Variants in ZNF385C observed in about 807,000 individuals in gnomAD.
The protein encoded by ZNF385C is CTD-2132N18.2.
Under a neutral mutation model 35.4 loss-of-function variants are expected in ZNF385C, and 28 were observed. That is an observed-to-expected ratio of 0.79 (90% confidence interval 0.59 to 1.08). The LOEUF is 1.08. Among genes scored for constraint, ZNF385C ranks in the 50% least tolerant of loss-of-function variants. ZNF385C has a pLI of 0.00. For missense variants in ZNF385C, 605 were observed against 595.6 expected, an observed-to-expected ratio of 1.02 and a Z score of -0.16; for synonymous variants, 248 against 248.2, an observed-to-expected ratio of 1.00 and a Z score of 0.01.
chr17:42,070,072 C>T (rs1431804647), intron 1 of ZNF385C, among the ~76,000 whole-genome samples: 6 of 149,588 alleles, frequency 4.0e-5, no homozygotes, highest in Non-Finnish European at 8.9e-5. Context: ...TAGCAGGGCG[C>T]GGTGGCTCAC....
At chr17:42,027,548 C>A (rs370131301) in intron 8 of ZNF385C, 70 bp downstream of exon 8, 23 of 730,148 alleles carry the variant, frequency 3.2e-5, no homozygotes, top group Non-Finnish European at 4.7e-5. Flanking sequence ...GCAGCCCCCC[C>A]ATCTGGCCCT....
Position 42,027,275 on chromosome 17 carries a change from C to A in ZNF385C, c.1276-142G>T, listed in dbSNP as rs1170864524. The A allele has an allele frequency of 4.0e-6, 3 of 753,994 alleles. No individual in the cohort carries two copies. In the East Asian group the frequency reaches 7.7e-5, roughly 19 times the overall value. 46.7% of individuals were successfully genotyped at this position (753,994 alleles called of 1,614,324 possible). A position where few individuals can be genotyped will look rare whatever the true frequency, so the allele number is the denominator to read the frequency against. ...CCTAAATCCTCCTCCCTTCCCACCCCCAAACATTCATTCCGAAGGGCTTTC... is the reference window on the plus strand; with the variant it reads ...CCTAAATCCTCCTCCCTTCCCACCCACAAACATTCATTCCGAAGGGCTTTC... On this transcript the variant is annotated intron_variant, in intron 8 of 8. Transcript: ENST00000692273.
At position 42,050,868 on chromosome 17, in the gene ZNF385C, A is replaced by C. The variant is rs568337237; in HGVS notation, c.250+11939T>G. ...GTGCCGGGGTTCATTCGGTCCGCGC[A>C]TGTATCCGGGGTTCCTCGAGGGGCT... On this transcript the variant is annotated intron_variant, in intron 2 of 8. Coordinates refer to ENST00000692273, the MANE Select transcript of ZNF385C (RefSeq NM_001392013.1). This position sits in a 1 kb window ranked among gnomAD's most constrained non-coding sequence, Gnocchi z 5.6. 6.6e-6 allele frequency among the ~76,000 whole-genome samples: 1 copy of C among 151,884 alleles called. No homozygotes were observed. The highest frequency in any genetic ancestry group is 1.5e-5 in the Non-Finnish European group (1 of 67,928).
rs996482244 is a variant in ZNF385C at position 42,095,324 on chromosome 17, C to T, written c.-3+3086G>A. 6.6e-6 allele frequency among the ~76,000 whole-genome samples: 1 copy of T among 152,226 alleles called. No homozygotes were observed. The highest frequency in any genetic ancestry group is 1.5e-5 in the Non-Finnish European group (1 of 68,046). ...GGGATGACCCCCGCCGCCTGGCCAG[C>T]TGACCCCACAGTCTCCCCTGTCCCA... On this transcript the variant is annotated intron_variant, in intron 1 of 8. Coordinates refer to ENST00000692273, the MANE Select transcript of ZNF385C (RefSeq NM_001392013.1). The surrounding 1 kb of genome is among the most constrained non-coding windows in gnomAD (Gnocchi z 4.4).
Position 42,026,667 on chromosome 17 carries a change from G to T in ZNF385C, c.*230C>A. 1 of 589,320 alleles carries T rather than the reference G, an allele frequency of 1.7e-6. No individual in the cohort carries two copies. The highest frequency in any genetic ancestry group is 3.0e-6 in the Non-Finnish European group (1 of 330,572). The allele number at this position is 589,320 out of a possible 1,614,324, so 36.5% of individuals were successfully genotyped here. ...TGCATAGATCTTTGGGGTCTGTCAGGGTGGGAAATGCAGGCAAGCCTAGGA... is the reference window on the plus strand; with the variant it reads ...TGCATAGATCTTTGGGGTCTGTCAGTGTGGGAAATGCAGGCAAGCCTAGGA... On this transcript the variant is annotated 3_prime_UTR_variant, in exon 9 of 9. Transcript: ENST00000692273.
At chr17:42,040,477 T>C in intron 2 of ZNF385C, 1 of 1,232,236 alleles carries the variant, frequency 8.1e-7, no homozygotes, top group Non-Finnish European at 1.0e-6. Context: ...CTCTTCTGCC[T>C]GCAGGACAAG....
chr17:42,028,968 G>C lies in ZNF385C; in HGVS notation c.782C>G (p.Ser261Cys). 1 of 1,550,612 alleles carries C rather than the reference G, an allele frequency of 6.4e-7. No homozygotes were observed. The highest frequency in any genetic ancestry group is 8.7e-7 in the Non-Finnish European group (1 of 1,147,010). ...GCAAGGTGGGCAGGAGGAAGAAGAG[G>C]ATGAGGAGGCAGCATCCAAGAGCTC... ...HSELLDAASS[S>C]SSSSCPPCSP... Residue 261 changes from serine (S) to cysteine (C), a missense_variant, in exon 6 of 9, where the codon TCC becomes TGC. Ser to Cys is a moderately radical substitution (Grantham distance 112). Coordinates refer to ENST00000692273, the MANE Select transcript of ZNF385C (RefSeq NM_001392013.1).
rs531318205 is a variant in ZNF385C, at chr17:42,062,016, G to A, written c.250+791C>T. 9 of 152,914 alleles carry A rather than the reference G, an allele frequency of 5.9e-5. No homozygotes were observed. The East Asian group carries it at 1.5e-3, about 26-fold the overall frequency. The allele number at this position is 152,914 out of a possible 1,614,324, so 9.5% of individuals were successfully genotyped here. On this transcript the variant is annotated intron_variant, in intron 2 of 8. Coordinates refer to ENST00000692273, the MANE Select transcript of ZNF385C (RefSeq NM_001392013.1). Reference sequence around the variant, plus strand: ...GCCCTCAAGAGGGTGTCTGAGGTCAGAGTGTAGCCTCCGGCAAAACTGCCA... The same window carrying A: ...GCCCTCAAGAGGGTGTCTGAGGTCAAAGTGTAGCCTCCGGCAAAACTGCCA...
chr17:42,042,470 T>A (rs1422688812), intron 2 of ZNF385C, among the ~76,000 whole-genome samples: 4 of 151,440 alleles, frequency 2.6e-5, no homozygotes, highest in African/African-American at 9.7e-5. Flanking sequence ...TGCAGTGAGC[T>A]GAGATCACGC....
rs1555655932 is a variant in ZNF385C at position 42,039,977 on chromosome 17, C to T, written c.251-2092G>A. Reference sequence around the variant, plus strand: ...AAGAGCTCGTGCAGCTCCGAGTGCGCGCACGCCAGCTGGGTGCACAGGGCC... The same window carrying T: ...AAGAGCTCGTGCAGCTCCGAGTGCGTGCACGCCAGCTGGGTGCACAGGGCC... On this transcript the variant is annotated intron_variant, in intron 2 of 8. Transcript: ENST00000692273. 6 of 1,230,942 alleles carry T rather than the reference C, an allele frequency of 4.9e-6. No individual in the cohort carries two copies. In the East Asian group the frequency reaches 1.3e-4, roughly 26 times the overall value. The allele number at this position is 1,230,942 out of a possible 1,614,324, so 76.3% of individuals were successfully genotyped here.
chr17:42,066,835 G>A (rs997517511), intron 1 of ZNF385C, among the ~76,000 whole-genome samples: 44 of 152,176 alleles, frequency 2.9e-4, no homozygotes, highest in Non-Finnish European at 5.0e-4. Context: ...TTGGGAGGCC[G>A]AGGTGGGTGG....
Position 42,037,749 on chromosome 17 carries a change from G to A in ZNF385C, c.387C>T (p.Pro129=), listed in dbSNP as rs1555655620. 1 of 1,534,548 alleles carries A rather than the reference G, an allele frequency of 6.5e-7. No individual in the cohort carries two copies. Among genetic ancestry groups the A allele is most frequent in the East Asian group, 2.5e-5 (1 of 40,732 alleles). ...GCCCAGCCCATACCGTGCTGAAGTT[G>A]GGGAAGAGACTGAGCGGGGCAGCGC... is the stretch of plus-strand genomic sequence containing the variant. ...FNGAAPLSLF[P]NFSTMDPVQK... The change falls in exon 3 of 9, where the codon CCC becomes CCT. Residue 129 remains proline, a synonymous_variant. Coordinates refer to ENST00000692273, the MANE Select transcript of ZNF385C (RefSeq NM_001392013.1).
Position 42,028,227 on chromosome 17 carries a change from C to T in ZNF385C, c.987G>A (p.Met329Ile). The change falls in exon 7 of 9, where the codon ATG becomes ATA. Residue 329 changes from methionine to isoleucine, a missense_variant. Physicochemically the swap from Met to Ile is conservative, Grantham distance 10. Transcript: ENST00000692273. ...GGGGAGCCCCTCGCTGACCTTCCAT[C>T]ATCCACCGGTGCTTGGCTCCTGGAG... ...AHNTGAKHRW[M>I]MEGQRGAPRR... 1 of 1,543,096 alleles carries T rather than the reference C, an allele frequency of 6.5e-7. No homozygotes were observed. The highest frequency in any genetic ancestry group is 1.3e-5 in the South Asian group (1 of 79,946).
chr17:42,063,629 C>A (rs114568861), intron 1 of ZNF385C, among the ~76,000 whole-genome samples: 1 of 152,150 alleles, frequency 6.6e-6, no homozygotes, highest in African/African-American at 2.4e-5. Flanking sequence ...GGCCAAGACA[C>A]CTGGGGACTC....
At chr17:42,086,797 T>C (rs1555660176) in intron 1 of ZNF385C, among the ~76,000 whole-genome samples, 1 of 151,644 alleles carries the variant, frequency 6.6e-6, no homozygotes, top group African/African-American at 2.4e-5. Context: ...TTATTAGTTA[T>C]GTTTTTTCCC....
chr17:42,026,798 G>A lies in ZNF385C; in HGVS notation c.*99C>T. On this transcript the variant is annotated 3_prime_UTR_variant, in exon 9 of 9. Coordinates refer to ENST00000692273, the MANE Select transcript of ZNF385C (RefSeq NM_001392013.1). ...TGGATCGGGCAGGACCCCTGAAGCT[G>A]TTCACAGTCCCTGTGGCATGTAGGA... 1 of 1,215,142 alleles carries A rather than the reference G, an allele frequency of 8.2e-7. No individual in the cohort carries two copies. The highest frequency in any genetic ancestry group is 1.2e-6 in the Non-Finnish European group (1 of 840,820). 75.3% of individuals were successfully genotyped at this position (1,215,142 alleles called of 1,614,324 possible).
intron 2 of ZNF385C, among the ~76,000 whole-genome samples, chr17:42,053,007 A>G (rs569154002): frequency 8.5e-5 from 13 of 152,256 alleles, no homozygotes; most frequent in African/African-American, 3.1e-4. Context: ...GGGGAGAGAG[A>G]GCCAAAGTGG....
chr17:42,042,568 G>C (rs142001615), intron 2 of ZNF385C, among the ~76,000 whole-genome samples: 2 of 152,162 alleles, frequency 1.3e-5, no homozygotes, highest in Admixed American at 6.6e-5. Context: ...CAAGCCTCCA[G>C]GCCACCAGTT....
chr17:42,090,665 C>T (rs928825141), intron 1 of ZNF385C, among the ~76,000 whole-genome samples: 12 of 151,418 alleles, frequency 7.9e-5, no homozygotes, highest in Middle Eastern at 3.4e-3. Flanking sequence ...GAAGCAGAGG[C>T]GGGCGGATCA....
Sources: gnomAD v4.1 joint callset for allele counts (sites outside exome capture counted in the v4.1 genomes callset) on GRCh38, gnomAD v4.1.1 for gene constraint, Gnocchi (gnomAD v3.1) non-coding constraint, MANE v1.5 for transcripts, NCBI Gene and HGNC (gene_info 2026-07-23, HGNC 2026-07-21) for gene names.